The following RBFOX1 variants were observed in gnomAD, a reference collection of about 807,000 sequenced individuals.
RBFOX1 encodes the protein RNA binding protein fox-1 homolog 1.
RBFOX1 carries 8 observed loss-of-function variants against 57.7 expected under a neutral mutation model. The ratio of observed to expected loss-of-function variants is 0.14; its 90% CI spans 0.08 to 0.25. The LOEUF is 0.25. Among genes scored for constraint, RBFOX1 ranks in the 10% least tolerant of loss-of-function variants. The pLI is 1.00. For synonymous variants in RBFOX1, 326 were observed against 222.4 expected, an observed-to-expected ratio of 1.47 and a Z score of -4.15; for missense variants, 611 against 548.5, an observed-to-expected ratio of 1.11 and a Z score of -1.14.
intron 1 of RBFOX1, among the ~76,000 whole-genome samples, chr16:5,424,993 C>A (rs867425215): frequency 2.5e-5 from 1 of 40,596 alleles, no homozygotes; most frequent in Non-Finnish European, 5.9e-5. Context: ...CTTTTCTTTT[C>A]TTTTCTTTTC....
At chr16:7,396,673 C>G (rs1240244812) in intron 4 of RBFOX1, among the ~76,000 whole-genome samples, 2 of 152,218 alleles carry the variant, frequency 1.3e-5, no homozygotes, top group African/African-American at 4.8e-5. Context: ...AGAGTGGTGA[C>G]TTACACCTGT....
chr16:6,768,267 T>G (rs1486488804), intron 3 of RBFOX1, among the ~76,000 whole-genome samples: 1 of 152,152 alleles, frequency 6.6e-6, no homozygotes, highest in Non-Finnish European at 1.5e-5. Context: ...TTTTTTTTCC[T>G]GTTTTTGCTT....
At chr16:5,496,074 C>T (rs1309292532) in intron 2 of RBFOX1, among the ~76,000 whole-genome samples, 5 of 152,100 alleles carry the variant, frequency 3.3e-5, no homozygotes, top group Admixed American at 2.6e-4. Flanking sequence ...TGCAGTGAGC[C>T]AACATCGCAC....
chr16:7,320,493 G>T (rs565612512), intron 4 of RBFOX1, among the ~76,000 whole-genome samples: 3 of 152,326 alleles, frequency 2.0e-5, no homozygotes, highest in South Asian at 4.1e-4. Flanking sequence ...GGGCATTTGT[G>T]TTGATTCCAT....
intron 1 of RBFOX1, among the ~76,000 whole-genome samples, chr16:6,093,145 C>T (rs895588020): frequency 6.6e-6 from 1 of 152,204 alleles, no homozygotes; most frequent in Non-Finnish European, 1.5e-5. Flanking sequence ...GATGCAATTA[C>T]TGTCATCTTC....
intron 1 of RBFOX1, among the ~76,000 whole-genome samples, chr16:6,179,390 A>G (rs1200808718): frequency 6.6e-6 from 1 of 152,160 alleles, no homozygotes; most frequent in Non-Finnish European, 1.5e-5. Context: ...AGCTAGGTTT[A>G]TCTGTATAAA....
Position 5,740,286 on chromosome 16 carries a change from C to G in RBFOX1, c.319-127017C>G, listed in dbSNP as rs77439627. ...AAGTGAGAGGAGCAAAGCATCCAGT[C>G]ACCAAACACTGTGTGATTGCCTGAG... On this transcript the variant is annotated intron_variant, in intron 3 of 19. Coordinates refer to the RBFOX1 transcript ENST00000641259. Among the ~76,000 whole-genome samples the G allele has an allele frequency of 2.9e-3, 447 of 152,280 alleles. 5 individuals are homozygous for G. The highest frequency in any genetic ancestry group is 0.01 in the African/African-American group (431 of 41,566).
Position 7,711,852 on chromosome 16 carries a change from G to A in RBFOX1, c.*1107G>A, listed in dbSNP as rs1314565682. 2.0e-5 allele frequency: 3 copies of A among 152,474 alleles called. No individual in the cohort carries two copies. The highest frequency in any genetic ancestry group is 2.0e-4 in the Admixed American group (3 of 15,280). 9.4% of individuals were successfully genotyped at this position (152,474 alleles called of 1,614,324 possible). On this transcript the variant is annotated 3_prime_UTR_variant, in exon 16 of 16. Transcript: ENST00000550418. ...GCAATCATTGAGTAGAGATAATCAT[G>A]GTATTTTCATCAGCTTGGTACTTTT...
rs189366678 is a variant in RBFOX1, at chr16:6,494,067, A to G, written c.-63-160536A>G. ...GGCTTTGGCAATGTTCTTAATTGAAATTTTTACAGAGATAAATGTAGCATA... is the reference window on the plus strand; with the variant it reads ...GGCTTTGGCAATGTTCTTAATTGAAGTTTTTACAGAGATAAATGTAGCATA... On this transcript the variant is annotated intron_variant, in intron 2 of 15. Coordinates refer to ENST00000550418, the MANE Select transcript of RBFOX1 (RefSeq NM_018723.4). 4.1e-3 allele frequency among the ~76,000 whole-genome samples: 622 copies of G among 152,234 alleles called. 4 individuals are homozygous for G. Among genetic ancestry groups the G allele is most frequent in the African/African-American group, 0.014 (593 of 41,514 alleles).
At chr16:6,143,120 G>C (rs2096731486) in intron 1 of RBFOX1, among the ~76,000 whole-genome samples, 1 of 152,144 alleles carries the variant, frequency 6.6e-6, no homozygotes, top group Admixed American at 6.5e-5. Flanking sequence ...ACTTACTTCT[G>C]TGTCTGGGCC....
chr16:6,401,455 A>T (rs2093064568), intron 2 of RBFOX1, among the ~76,000 whole-genome samples: 1 of 152,358 alleles, frequency 6.6e-6, no homozygotes, highest in Admixed American at 6.5e-5. Flanking sequence ...TAACCTCACC[A>T]ACATTGGACT....
chr16:6,505,544 C>G (rs553364026), intron 2 of RBFOX1, among the ~76,000 whole-genome samples: 23 of 152,286 alleles, frequency 1.5e-4, no homozygotes, highest in African/African-American at 5.1e-4. Context: ...TTCTCACCGT[C>G]TAGTACAGCT....
chr16:5,678,154 T>C (rs974708436), intron 3 of RBFOX1, among the ~76,000 whole-genome samples: 2 of 152,194 alleles, frequency 1.3e-5, no homozygotes, highest in Admixed American at 6.5e-5. Flanking sequence ...GGCAATTTGG[T>C]GCAGCCTGAT....
upstream of RBFOX1, among the ~76,000 whole-genome samples, chr16:6,016,874 G>C (rs573534351): frequency 1.8e-3 from 273 of 152,226 alleles, 2 homozygotes; most frequent in African/African-American, 6.4e-3. Flanking sequence ...CTTTCCAAAT[G>C]AATAGCATAA....
intron 3 of RBFOX1, among the ~76,000 whole-genome samples, chr16:6,904,573 C>T (rs1274931884): frequency 7.5e-6 from 1 of 134,102 alleles, no homozygotes; most frequent in Non-Finnish European, 1.5e-5. Context: ...TGCACTCCAG[C>T]CTGGGTGACA....
chr16:5,801,986 C>G (rs1015326694), intron 3 of RBFOX1, among the ~76,000 whole-genome samples: 1 of 152,124 alleles, frequency 6.6e-6, no homozygotes, highest in Non-Finnish European at 1.5e-5. Context: ...ATCACTCTGC[C>G]TGGGTCTGCT....
At chr16:6,165,413 A>C (rs1243574745) in intron 1 of RBFOX1, among the ~76,000 whole-genome samples, 1 of 152,178 alleles carries the variant, frequency 6.6e-6, no homozygotes, top group African/African-American at 2.4e-5. Flanking sequence ...GGTTCATTAT[A>C]CTGAAGACAA....
At chr16:6,450,347 T>C (rs934166219) in intron 2 of RBFOX1, among the ~76,000 whole-genome samples, 1 of 152,150 alleles carries the variant, frequency 6.6e-6, no homozygotes, top group Non-Finnish European at 1.5e-5. Context: ...AAATTGTCAC[T>C]ATCCTGCTTG....
At chr16:5,777,473 T>C (rs1213763506) in intron 3 of RBFOX1, among the ~76,000 whole-genome samples, 1 of 152,192 alleles carries the variant, frequency 6.6e-6, no homozygotes, top group Non-Finnish European at 1.5e-5. Context: ...CCGGGACATC[T>C]TTGAGGGGTC....
Sources: gnomAD v4.1 joint callset for allele counts (sites outside exome capture counted in the v4.1 genomes callset) on GRCh38, gnomAD v4.1.1 for gene constraint, MANE v1.5 for transcripts, NCBI Gene and HGNC (gene_info 2026-07-23, HGNC 2026-07-21) for gene names.